Variants in CFAP20DC observed in about 807,000 individuals in gnomAD.
CFAP20DC encodes CFAP20 domain containing, also known as protein CFAP20DC.
A neutral mutation model predicts 101.7 loss-of-function variants in CFAP20DC; 84 were observed. The ratio of observed to expected loss-of-function variants is 0.83; its 90% CI spans 0.69 to 0.99. CFAP20DC has a LOEUF of 0.99. CFAP20DC is among the 50% of genes least tolerant of loss of function. The pLI, the probability that CFAP20DC is intolerant of heterozygous loss-of-function variation, is 0.00. For missense variants in CFAP20DC, 1,007 were observed against 970.3 expected (o/e 1.04, Z -0.50); for synonymous variants, 359 against 351.2 (o/e 1.02, Z -0.25).
intron 6 of CFAP20DC, among the ~76,000 whole-genome samples, chr3:58,905,788 C>T (rs1047800749): frequency 1.3e-5 from 2 of 152,152 alleles, no homozygotes; most frequent in Admixed American, 6.5e-5. Flanking sequence ...TCAACACAGC[C>T]TCATCAGTCT....
chr3:58,882,444 T>C lies in CFAP20DC; in HGVS notation c.715+2101A>G, dbSNP rs1464038109. 2.0e-5 allele frequency among the ~76,000 whole-genome samples: 3 copies of C among 152,176 alleles called. No individual in the cohort carries two copies. The highest frequency in any genetic ancestry group is 4.4e-5 in the Non-Finnish European group (3 of 68,008). ...AAAGACATAATTAATTCTTAAAACA[T>C]TAAGCTAGAGAATAAAAGCATTTAC... On this transcript the variant is annotated intron_variant, in intron 7 of 16. Transcript: ENST00000482387. The surrounding 1 kb of genome is among the most constrained non-coding windows in gnomAD (Gnocchi z 4.2).
intron 15 of CFAP20DC, 136 bp downstream of exon 15, chr3:58,806,259 A>T: frequency 1.6e-6 from 1 of 643,372 alleles, no homozygotes; most frequent in South Asian, 1.9e-5. Flanking sequence ...AGACAAGTAG[A>T]TGAACTAGGA....
intron 4 of CFAP20DC, among the ~76,000 whole-genome samples, chr3:58,972,057 C>T (rs1227300559): frequency 6.6e-6 from 1 of 151,990 alleles, no homozygotes; most frequent in Non-Finnish European, 1.5e-5. Flanking sequence ...TAGTGGTTAA[C>T]TATTTATTTG....
chr3:58,897,378 G>A lies in CFAP20DC; in HGVS notation c.551-12669C>T, dbSNP rs1257616017. On this transcript the variant is annotated intron_variant, in intron 6 of 16. Transcript: ENST00000482387. This position sits in a 1 kb window ranked among gnomAD's most constrained non-coding sequence, Gnocchi z 4.4. ...CTAAGCCCATTTACATCTAAGGTTAGTATTGTTACGTGGGAATTTGATCCT... is the reference window on the plus strand; with the variant it reads ...CTAAGCCCATTTACATCTAAGGTTAATATTGTTACGTGGGAATTTGATCCT... Among the ~76,000 whole-genome samples the A allele has an allele frequency of 6.6e-6, 1 of 152,182 alleles. No individual in the cohort carries two copies. Among genetic ancestry groups the A allele is most frequent in the Non-Finnish European group, 1.5e-5 (1 of 68,030 alleles).
intron 15 of CFAP20DC, among the ~76,000 whole-genome samples, chr3:58,762,398 C>T (rs939685206): frequency 2.5e-4 from 38 of 152,146 alleles, no homozygotes; most frequent in South Asian, 4.2e-4. Flanking sequence ...TGGTAGATCT[C>T]CCTCCATCCT....
At chr3:58,946,809 T>A (rs1056043736) in intron 4 of CFAP20DC, among the ~76,000 whole-genome samples, 4 of 151,958 alleles carry the variant, frequency 2.6e-5, no homozygotes, top group Admixed American at 1.3e-4. Flanking sequence ...AGGGGAGAAA[T>A]CAAGGATATA....
At chr3:58,757,215 T>G (rs922028798) in intron 15 of CFAP20DC, among the ~76,000 whole-genome samples, 38 of 152,156 alleles carry the variant, frequency 2.5e-4, no homozygotes, top group Admixed American at 2.5e-3. Flanking sequence ...GAGAGCAACT[T>G]TAGAGGAATA....
intron 14 of CFAP20DC, among the ~76,000 whole-genome samples, chr3:58,818,974 A>C (rs2075405896): frequency 6.6e-6 from 1 of 150,804 alleles, no homozygotes; most frequent in Non-Finnish European, 1.5e-5. Context: ...ACTAGAACTC[A>C]GGATTAAGAA....
intron 14 of CFAP20DC, among the ~76,000 whole-genome samples, chr3:58,809,930 C>T (rs145779485): frequency 1.5e-3 from 232 of 152,176 alleles, no homozygotes; most frequent in African/African-American, 5.0e-3. Flanking sequence ...AAAACCTCCA[C>T]GCAAATAAAC....
At chr3:58,939,482 A>G (rs2088197395) in intron 4 of CFAP20DC, among the ~76,000 whole-genome samples, 2 of 152,076 alleles carry the variant, frequency 1.3e-5, no homozygotes, top group South Asian at 4.1e-4. Flanking sequence ...TTTTTGAGAC[A>G]GAGTCTAGCT....
intron 5 of CFAP20DC, among the ~76,000 whole-genome samples, chr3:58,926,063 G>T (rs376293975): frequency 6.6e-6 from 1 of 151,912 alleles, no homozygotes. Flanking sequence ...AAAGAAAAAA[G>T]ATATTTAAAA....
At chr3:58,949,158 T>C (rs2089758246) in intron 4 of CFAP20DC, among the ~76,000 whole-genome samples, 1 of 152,114 alleles carries the variant, frequency 6.6e-6, no homozygotes, top group Admixed American at 6.5e-5. Context: ...TTTTTTATTG[T>C]GTCTATTTGA....
At chr3:58,749,679 A>C (rs1360642504) in intron 16 of CFAP20DC, among the ~76,000 whole-genome samples, 1 of 151,954 alleles carries the variant, frequency 6.6e-6, no homozygotes, top group African/African-American at 2.4e-5. Context: ...TATGTAAACT[A>C]CAAGACAGGG....
chr3:58,796,435 A>C (rs756202063), intron 15 of CFAP20DC, among the ~76,000 whole-genome samples: 5 of 152,192 alleles, frequency 3.3e-5, no homozygotes, highest in Non-Finnish European at 5.9e-5. Flanking sequence ...GGCAGGGTTC[A>C]AGAGGTTAGA....
chr3:59,043,040 T>C (rs766004230), intron 3 of CFAP20DC, among the ~76,000 whole-genome samples: 3 of 152,178 alleles, frequency 2.0e-5, no homozygotes, highest in Non-Finnish European at 2.9e-5. Flanking sequence ...TTTGGACATA[T>C]TGTATTTCAG....
At chr3:58,867,225 A>G (rs1274591141) in intron 10 of CFAP20DC, among the ~76,000 whole-genome samples, 1 of 152,224 alleles carries the variant, frequency 6.6e-6, no homozygotes, top group Non-Finnish European at 1.5e-5. Flanking sequence ...AGATGTGTAC[A>G]TGATACACTG....
chr3:58,938,876 TAAATGATA>T (rs2088092636), intron 4 of CFAP20DC, among the ~76,000 whole-genome samples: 1 of 152,238 alleles, frequency 6.6e-6, no homozygotes, highest in Non-Finnish European at 1.5e-5. Flanking sequence ...CTACTTGCAC[TAAATGATA>T]TCATAAATTC....
chr3:59,042,057 T>A (rs1699438696), intron 3 of CFAP20DC, among the ~76,000 whole-genome samples: 1 of 152,050 alleles, frequency 6.6e-6, no homozygotes, highest in Admixed American at 6.6e-5. Context: ...CCCTGGGTCC[T>A]TGCAGGAGAA....
At chr3:58,855,988 A>C (rs1033250460) in intron 12 of CFAP20DC, among the ~76,000 whole-genome samples, 1 of 151,864 alleles carries the variant, frequency 6.6e-6, no homozygotes, top group African/African-American at 2.4e-5. Context: ...AGTATAATAA[A>C]AAAAAATAAA....
Sources: gnomAD v4.1 joint callset for allele counts (sites outside exome capture counted in the v4.1 genomes callset) on GRCh38, gnomAD v4.1.1 for gene constraint, Gnocchi (gnomAD v3.1) non-coding constraint, MANE v1.5 for transcripts, NCBI Gene and HGNC (gene_info 2026-07-23, HGNC 2026-07-21) for gene names.